EFHC2: variants seen among roughly 807,000 people sequenced by gnomAD.
The protein encoded by EFHC2 is EF-hand domain-containing family member C2.
In EFHC2, 18 loss-of-function variants were observed where a neutral mutation model predicts 52.7. The ratio of observed to expected loss-of-function variants is 0.34; its 90% CI spans 0.24 to 0.51. EFHC2 has a LOEUF of 0.51. EFHC2 is among the 20% of genes least tolerant of loss of function. The pLI is 0.97. For synonymous variants in EFHC2, 203 were observed against 204.1 expected, an observed-to-expected ratio of 0.99 and a Z score of 0.04; for missense variants, 513 against 562.5, an observed-to-expected ratio of 0.91 and a Z score of 0.89.
intron 8 of EFHC2, among the ~76,000 whole-genome samples, chrX:44,240,327 A>G (rs1285859327): frequency 1.8e-5 from 2 of 111,518 alleles, no homozygotes; most frequent in African/African-American, 6.5e-5. Context: ...TTGTGCCTAT[A>G]CTACCATTCT....
intron 11 of EFHC2, among the ~76,000 whole-genome samples, chrX:44,215,536 G>T (rs903296629): frequency 2.8e-5 from 3 of 106,257 alleles, no homozygotes; most frequent in East Asian, 5.9e-4. Context: ...CATTGGGGGG[G>T]GGTGGTGGGT....
chrX:44,210,791 C>T (rs1179166744), intron 11 of EFHC2, among the ~76,000 whole-genome samples: 2 of 112,042 alleles, frequency 1.8e-5, no homozygotes. Flanking sequence ...AGATACAATA[C>T]CAATGCATAA....
chrX:44,314,879 T>A (rs1448377695), intron 1 of EFHC2, among the ~76,000 whole-genome samples: 2 of 111,276 alleles, frequency 1.8e-5, no homozygotes, highest in Non-Finnish European at 3.8e-5. Context: ...AGCATAAGAC[T>A]CAGCCCCTGC....
Position 44,161,415 on chromosome X carries a change from C to T in EFHC2, c.2148+2507G>A, listed in dbSNP as rs140974303. Among the ~76,000 whole-genome samples, 850 of 111,912 alleles carry T rather than the reference C, an allele frequency of 7.6e-3. 17 individuals carry two copies. Among genetic ancestry groups the T allele is most frequent in the Admixed American group, 0.063 (661 of 10,571 alleles). The stretch of plus-strand genomic sequence containing the variant: ...AGGGGCACATGAGGGTGGTTACCAG[C>T]GCCTGGAGTGACCAGCCATATGCAA... On this transcript the variant is annotated intron_variant, in intron 14 of 14. Transcript: ENST00000420999.
intron 1 of EFHC2, among the ~76,000 whole-genome samples, chrX:44,315,525 A>G (rs911041146): frequency 1.8e-5 from 2 of 111,248 alleles, no homozygotes; most frequent in Non-Finnish European, 1.9e-5. Flanking sequence ...GAGGAAACCA[A>G]GGCAGAGAGA....
intron 1 of EFHC2, among the ~76,000 whole-genome samples, chrX:44,329,027 C>T (rs2038070056): frequency 9.0e-6 from 1 of 111,245 alleles, no homozygotes; most frequent in Non-Finnish European, 1.9e-5. Context: ...GCATTTTGTC[C>T]AATTCTTTGT....
intron 8 of EFHC2, among the ~76,000 whole-genome samples, chrX:44,241,242 T>G (rs2037356843): frequency 1.8e-5 from 2 of 111,827 alleles, no homozygotes; most frequent in African/African-American, 6.5e-5. Flanking sequence ...GACTTCTTTC[T>G]CCAGGGCCTG....
At chrX:44,273,816 C>T (rs1014748610) in intron 2 of EFHC2, among the ~76,000 whole-genome samples, 8 of 111,688 alleles carry the variant, frequency 7.2e-5, no homozygotes, top group African/African-American at 2.3e-4. Flanking sequence ...TTGTCTCTCA[C>T]TTTTGATCAA....
intron 1 of EFHC2, among the ~76,000 whole-genome samples, chrX:44,321,009 A>C (rs752846732): frequency 8.9e-6 from 1 of 111,944 alleles, no homozygotes; most frequent in Admixed American, 9.5e-5. Context: ...CTCTGGCCAC[A>C]ATACAAAGAA....
chrX:44,289,969 C>T (rs760086126), intron 2 of EFHC2, among the ~76,000 whole-genome samples: 1 of 112,096 alleles, frequency 8.9e-6, no homozygotes, highest in Non-Finnish European at 1.9e-5. Context: ...GCGTGAGCCT[C>T]GGCACCCGGC....
chrX:44,179,937 T>C (rs894349214), intron 11 of EFHC2, among the ~76,000 whole-genome samples: 1 of 112,336 alleles, frequency 8.9e-6, no homozygotes, highest in Non-Finnish European at 1.9e-5. Flanking sequence ...GTGTGCCAGG[T>C]CCTGTGCTAG....
chrX:44,339,057 G>A (rs767528823), intron 1 of EFHC2, among the ~76,000 whole-genome samples: 32 of 111,429 alleles, frequency 2.9e-4, no homozygotes, highest in Non-Finnish European at 4.3e-4. Context: ...CAGGCGTGGT[G>A]GCACACACCT....
chrX:44,321,060 C>G (rs1023591569), intron 1 of EFHC2, among the ~76,000 whole-genome samples: 2 of 111,388 alleles, frequency 1.8e-5, no homozygotes, highest in African/African-American at 6.5e-5. Flanking sequence ...ATGATAGTGG[C>G]CTAGACCAGG....
chrX:44,336,458 A>G (rs2038118318), intron 1 of EFHC2, among the ~76,000 whole-genome samples: 1 of 111,178 alleles, frequency 9.0e-6, no homozygotes, highest in African/African-American at 3.3e-5. Context: ...AATCCAAAAC[A>G]CTGGCAATAC....
chrX:44,340,978 T>C (rs1040115223), intron 1 of EFHC2, among the ~76,000 whole-genome samples: 3 of 111,837 alleles, frequency 2.7e-5, no homozygotes, highest in Middle Eastern at 4.2e-3. Context: ...AGTAAAACTA[T>C]TCTTAACAAC....
chrX:44,309,981 A>C lies in EFHC2; in HGVS notation c.231+2587T>G, dbSNP rs146407622. ...TTCAGAATGTATGTTTTCCATGGCAATTTGGAAGCCATAGAAACAGCGGGC... is the reference window on the plus strand; with the variant it reads ...TTCAGAATGTATGTTTTCCATGGCACTTTGGAAGCCATAGAAACAGCGGGC... On this transcript the variant is annotated intron_variant, in intron 2 of 14. Transcript: ENST00000420999. 7.3e-3 allele frequency: 7,264 copies of C among 994,144 alleles called. 43 individuals carry two copies. The highest frequency in any genetic ancestry group is 7.2e-3 in the Non-Finnish European group (5,064 of 699,959). 81.9% of individuals were successfully genotyped at this position (994,144 alleles called of 1,213,427 possible). A position where few individuals can be genotyped will look rare whatever the true frequency, so the allele number is the denominator to read the frequency against.
rs895424672 is a variant in EFHC2 at position 44,178,454 on chromosome X, A to T, written c.1862T>A (p.Ile621Asn). ...CTTGAACTTTTCGTGGGCCAGTGCG[A>T]TTAAGAAATCCATATCTGAACATGT... Reference protein sequence around the residue: ...EGTCSDMDFLIALAHEKFKKN... With the variant: ...EGTCSDMDFLNALAHEKFKKN... Residue 621 changes from isoleucine (I) to asparagine (N), a missense_variant, in exon 12 of 15, where the codon ATC (isoleucine) becomes AAC (asparagine). Ile to Asn is a moderately radical substitution (Grantham distance 149). Transcript: ENST00000420999. 5.8e-6 allele frequency: 7 copies of T among 1,206,147 alleles called. No individual in the cohort carries two copies. The highest frequency in any genetic ancestry group is 7.8e-6 in the Non-Finnish European group (7 of 893,183).
chrX:44,190,314 T>C (rs779067419), intron 11 of EFHC2, among the ~76,000 whole-genome samples: 1 of 111,186 alleles, frequency 9.0e-6, no homozygotes, highest in South Asian at 3.9e-4. Context: ...CCAGACAAAA[T>C]AAGCATCCCT....
chrX:44,268,588 G>T (rs1273531473), intron 3 of EFHC2, among the ~76,000 whole-genome samples: 1 of 111,806 alleles, frequency 8.9e-6, no homozygotes, highest in Non-Finnish European at 1.9e-5. Flanking sequence ...AAAATAAGCA[G>T]AGCTTAGTGA....
Sources: gnomAD v4.1 joint callset for allele counts (sites outside exome capture counted in the v4.1 genomes callset) on GRCh38, gnomAD v4.1.1 for gene constraint, MANE v1.5 for transcripts, NCBI Gene and HGNC (gene_info 2026-07-23, HGNC 2026-07-21) for gene names.